Variants in LGSN observed in about 807,000 individuals in gnomAD.
LGSN encodes the protein lengsin, lens protein with glutamine synthetase domain, also known as lengsin.
Under a neutral mutation model 19.5 loss-of-function variants are expected in LGSN, and 21 were observed. That is an observed-to-expected ratio of 1.07 (90% confidence interval 0.76 to 1.55). LGSN has a LOEUF of 1.55. LGSN is among the 40% of genes most tolerant of loss of function. The pLI, the probability that LGSN is intolerant of heterozygous loss-of-function variation, is 0.00. For synonymous variants in LGSN, 257 were observed against 215.6 expected (o/e 1.19, Z -1.68); for missense variants, 673 against 608.5 (o/e 1.11, Z -1.12).
At chr6:63,319,702 G>A (rs1171527432) in intron 1 of LGSN, among the ~76,000 whole-genome samples, 1 of 152,136 alleles carries the variant, frequency 6.6e-6, no homozygotes, top group Non-Finnish European at 1.5e-5. Flanking sequence ...AGCTTTCCTA[G>A]ATGAATATTT....
the LGSN span, among the ~76,000 whole-genome samples, chr6:63,474,890 A>G: frequency 1.7e-4 from 25 of 148,804 alleles, no homozygotes; most frequent in East Asian, 4.9e-3. Flanking sequence ...TCCGTCTCAA[A>G]AAAAAAAAAA....
chr6:63,534,730 C>T, the LGSN span, among the ~76,000 whole-genome samples: 4 of 141,510 alleles, frequency 2.8e-5, no homozygotes, highest in Non-Finnish European at 6.2e-5. Flanking sequence ...GGTGGATCAC[C>T]TGAGGTCAGG....
At chr6:63,349,004 G>A in the LGSN span, among the ~76,000 whole-genome samples, 1 of 152,126 alleles carries the variant, frequency 6.6e-6, no homozygotes, top group African/African-American at 2.4e-5. Context: ...ATCGAGAATT[G>A]TTCCTGTAAA....
intron 2 of LGSN, among the ~76,000 whole-genome samples, chr6:63,286,075 A>C (rs1348513277): frequency 2.6e-5 from 4 of 152,212 alleles, no homozygotes; most frequent in Non-Finnish European, 5.9e-5. Context: ...ACATATTTGC[A>C]TAAGTTCACA....
chr6:63,420,199 T>C, the LGSN span, among the ~76,000 whole-genome samples: 1 of 147,064 alleles, frequency 6.8e-6, no homozygotes, highest in Non-Finnish European at 1.5e-5. Flanking sequence ...CGAGACTGCG[T>C]CTCAAAAAAA....
Position 63,285,615 on chromosome 6 carries a change from G to C in LGSN, c.302C>G (p.Ser101Cys). 1 of 1,614,080 alleles carries C rather than the reference G, an allele frequency of 6.2e-7. No individual in the cohort carries two copies. The highest frequency in any genetic ancestry group is 8.5e-7 in the Non-Finnish European group (1 of 1,179,956). Residue 101 changes from serine (S) to cysteine (C), a missense_variant, in exon 3 of 4, where the codon TCT (serine) becomes TGT (cysteine). Coordinates refer to ENST00000370657, the MANE Select transcript of LGSN (RefSeq NM_016571.3). The stretch of plus-strand genomic sequence containing the variant: ...AAAAAAGTGTGCAGGGATAGTCTTA[G>C]ACCTGGACACGCCGTGGAGGTCTGT... ...EATDLHGVSR[S>C]KTIPAHFFQE...
chr6:63,357,600 T>C, the LGSN span, among the ~76,000 whole-genome samples: 1 of 152,268 alleles, frequency 6.6e-6, no homozygotes, highest in Non-Finnish European at 1.5e-5. Flanking sequence ...GAACATTTTT[T>C]CATGTGTCTT....
At chr6:63,372,160 A>C in the LGSN span, among the ~76,000 whole-genome samples, 12 of 152,338 alleles carry the variant, frequency 7.9e-5, 1 homozygote, top group South Asian at 2.3e-3. Flanking sequence ...AATACAGTGA[A>C]TAAAACAGAC....
chr6:63,528,937 A>G, the LGSN span, among the ~76,000 whole-genome samples: 202 of 151,862 alleles, frequency 1.3e-3, no homozygotes, highest in African/African-American at 4.6e-3. Flanking sequence ...AAAAATACAA[A>G]AATTAGCTGG....
At chr6:63,371,977 A>G in the LGSN span, among the ~76,000 whole-genome samples, 3 of 152,190 alleles carry the variant, frequency 2.0e-5, no homozygotes, top group African/African-American at 7.2e-5. Flanking sequence ...CTTTTACTCT[A>G]ATCTATGCTT....
chr6:63,400,703 A>G, the LGSN span, among the ~76,000 whole-genome samples: 1 of 152,254 alleles, frequency 6.6e-6, no homozygotes, highest in Non-Finnish European at 1.5e-5. Context: ...ACAATAAAAC[A>G]TAAATTTCGG....
the LGSN span, among the ~76,000 whole-genome samples, chr6:63,442,933 T>C: frequency 6.6e-6 from 1 of 152,238 alleles, no homozygotes; most frequent in Non-Finnish European, 1.5e-5. Flanking sequence ...CGGGTGGAGC[T>C]GCCCACCAGT....
the LGSN span, among the ~76,000 whole-genome samples, chr6:63,358,309 A>C: frequency 6.6e-6 from 1 of 152,134 alleles, no homozygotes; most frequent in Non-Finnish European, 1.5e-5. Context: ...TTGTCTTGGC[A>C]ATGTGGGCTC....
chr6:63,458,169 G>A, the LGSN span, among the ~76,000 whole-genome samples: 4 of 152,092 alleles, frequency 2.6e-5, no homozygotes, highest in Non-Finnish European at 5.9e-5. Context: ...TGGGGTTCAA[G>A]CGATTCTCCT....
chr6:63,466,722 G>A, the LGSN span, among the ~76,000 whole-genome samples: 1 of 152,118 alleles, frequency 6.6e-6, no homozygotes, highest in Admixed American at 6.6e-5. Context: ...CAACTGGAAG[G>A]ATAGAGTTAG....
At chr6:63,441,271 T>C in the LGSN span, 4 of 391,368 alleles carry the variant, frequency 1.0e-5, no homozygotes, top group East Asian at 2.6e-4. Flanking sequence ...CTGGCGAAGC[T>C]AGACCTTAGA....
In LGSN at chr6:63,298,361, G is replaced by T. The variant is rs1768059344; in HGVS notation, c.31-3316C>A. Reference sequence around the variant, plus strand: ...AGAAGTCATGACAGACACTGGACTGGGTTAGACTCAATAACTAATTGGATT... The same window carrying T: ...AGAAGTCATGACAGACACTGGACTGTGTTAGACTCAATAACTAATTGGATT... On this transcript the variant is annotated intron_variant, in intron 1 of 3. Transcript: ENST00000370657. Among the ~76,000 whole-genome samples, 2 of 152,122 alleles carry T rather than the reference G, an allele frequency of 1.3e-5. 1 individual carries two copies. The highest frequency in any genetic ancestry group is 1.3e-4 in the Admixed American group (2 of 15,262).
At chr6:63,308,084 C>T (rs79471732) in intron 1 of LGSN, among the ~76,000 whole-genome samples, 4,975 of 152,182 alleles carry the variant, frequency 0.033, 269 homozygotes, top group African/African-American at 0.11. Context: ...GAATCATGAG[C>T]GTAAGTACAG....
the LGSN span, among the ~76,000 whole-genome samples, chr6:63,561,077 G>A: frequency 5.3e-5 from 8 of 152,140 alleles, no homozygotes; most frequent in African/African-American, 1.7e-4. Flanking sequence ...ATAATTGAAA[G>A]CTTGTTTGTT....
Sources: allele counts gnomAD v4.1 joint callset (sites outside exome capture counted in the v4.1 genomes callset), GRCh38; gene constraint gnomAD v4.1.1; transcripts MANE v1.5; gene names NCBI Gene and HGNC (gene_info 2026-07-23, HGNC 2026-07-21).